Variants in SPAG16 observed in about 807,000 individuals in gnomAD.
SPAG16 encodes sperm associated antigen 16.
A neutral mutation model predicts 80.4 loss-of-function variants in SPAG16; 86 were observed. The ratio of observed to expected loss-of-function variants is 1.07; its 90% CI spans 0.90 to 1.28. SPAG16 has a LOEUF of 1.28. SPAG16 is among the 50% of genes most tolerant of loss of function. SPAG16 has a pLI of 0.00. For missense variants in SPAG16, 870 were observed against 765.3 expected, an observed-to-expected ratio of 1.14 and a Z score of -1.61; for synonymous variants, 294 against 265.9, an observed-to-expected ratio of 1.11 and a Z score of -1.03.
chr2:213,965,030 T>C (rs989508448), intron 12 of SPAG16, among the ~76,000 whole-genome samples: 3 of 152,226 alleles, frequency 2.0e-5, no homozygotes, highest in Non-Finnish European at 2.9e-5. Flanking sequence ...AATTGGACAT[T>C]TTAGAAAATA....
intron 12 of SPAG16, among the ~76,000 whole-genome samples, chr2:214,004,864 G>A (rs998349313): frequency 8.1e-4 from 123 of 152,188 alleles, no homozygotes; most frequent in African/African-American, 2.9e-3. Context: ...TAGCATTTGA[G>A]CAAAGAGAGA....
At chr2:213,535,917 C>A (rs947955289) in intron 10 of SPAG16, among the ~76,000 whole-genome samples, 2 of 151,850 alleles carry the variant, frequency 1.3e-5, no homozygotes, top group African/African-American at 4.8e-5. Context: ...TAAGGTAATG[C>A]AAGTACAGTC....
intron 15 of SPAG16, among the ~76,000 whole-genome samples, chr2:214,153,396 A>T (rs1229269407): frequency 6.6e-6 from 1 of 152,168 alleles, no homozygotes. Context: ...GCTACAAACT[A>T]ATGATTATTG....
At chr2:214,405,869 G>A (rs1701969784) in intron 15 of SPAG16, among the ~76,000 whole-genome samples, 1 of 152,176 alleles carries the variant, frequency 6.6e-6, no homozygotes, top group Non-Finnish European at 1.5e-5. Flanking sequence ...TAGGAGGAAA[G>A]AATAGCTACA....
At chr2:213,450,227 C>T (rs1008846973) in intron 9 of SPAG16, among the ~76,000 whole-genome samples, 7 of 152,260 alleles carry the variant, frequency 4.6e-5, no homozygotes, top group African/African-American at 1.4e-4. Context: ...TTGCTTGAAG[C>T]TGGGAGGCAG....
intron 12 of SPAG16, among the ~76,000 whole-genome samples, chr2:214,010,648 T>G (rs1171907858): frequency 2.0e-5 from 3 of 146,628 alleles, no homozygotes; most frequent in Non-Finnish European, 4.5e-5. Flanking sequence ...GGAGGTCAGG[T>G]GACCCAAGAA....
At chr2:213,907,927 G>A (rs2077498813) in intron 11 of SPAG16, among the ~76,000 whole-genome samples, 1 of 152,092 alleles carries the variant, frequency 6.6e-6, no homozygotes, top group African/African-American at 2.4e-5. Flanking sequence ...AGAGGAATAA[G>A]TTCTTGTGCT....
intron 11 of SPAG16, among the ~76,000 whole-genome samples, chr2:213,920,815 A>G (rs1020808881): frequency 6.6e-6 from 1 of 152,324 alleles, no homozygotes; most frequent in African/African-American, 2.4e-5. Context: ...ATCTCTTGTC[A>G]TACTCTGCCA....
intron 10 of SPAG16, among the ~76,000 whole-genome samples, chr2:213,542,816 A>G (rs2076495357): frequency 6.6e-6 from 1 of 152,090 alleles, no homozygotes; most frequent in South Asian, 2.1e-4. Flanking sequence ...TTTTACTTGA[A>G]TTGTGGAAAC....
chr2:213,467,300 A>C (rs1379415366), intron 9 of SPAG16, among the ~76,000 whole-genome samples: 1 of 152,142 alleles, frequency 6.6e-6, no homozygotes, highest in Non-Finnish European at 1.5e-5. Flanking sequence ...TGGCTTGATC[A>C]ATTTTCCCTT....
intron 15 of SPAG16, among the ~76,000 whole-genome samples, chr2:214,354,095 G>T (rs1698603169): frequency 7.2e-6 from 1 of 138,834 alleles, no homozygotes; most frequent in Non-Finnish European, 1.6e-5. Context: ...ATATATATAT[G>T]TACCCCATAA....
chr2:214,011,371 A>G (rs2047273715), intron 12 of SPAG16, among the ~76,000 whole-genome samples: 1 of 146,444 alleles, frequency 6.8e-6, no homozygotes, highest in Admixed American at 6.7e-5. Context: ...ACTCTCCTCA[A>G]AAAAGATTAA....
At chr2:213,522,874 A>G (rs2075732946) in intron 10 of SPAG16, among the ~76,000 whole-genome samples, 1 of 149,786 alleles carries the variant, frequency 6.7e-6, no homozygotes, top group Admixed American at 6.7e-5. Flanking sequence ...TATATGTTTT[A>G]GGCATTTTAG....
At chr2:213,433,673 C>G (rs1386221423) in intron 9 of SPAG16, among the ~76,000 whole-genome samples, 2 of 151,940 alleles carry the variant, frequency 1.3e-5, no homozygotes, top group Non-Finnish European at 2.9e-5. Flanking sequence ...GACCATATAC[C>G]CAAAGCAATC....
rs112717444 is a variant in SPAG16, at chr2:213,809,468, T to C, written c.1071-53017T>C. Among the ~76,000 whole-genome samples, 735 of 152,218 alleles carry C rather than the reference T, an allele frequency of 4.8e-3. 5 individuals are homozygous for C. The highest frequency in any genetic ancestry group is 0.01 in the South Asian group (50 of 4,824). On this transcript the variant is annotated intron_variant, in intron 10 of 15. Coordinates refer to ENST00000331683, the MANE Select transcript of SPAG16 (RefSeq NM_024532.5). ...TTAGATATTTCTGCTAATAACACAG[T>C]AGCTCTAAATGAAAAAAGAGGTACT...
chr2:213,627,087 G>A lies in SPAG16; in HGVS notation c.1070+136997G>A, dbSNP rs10932489. Among the ~76,000 whole-genome samples the A allele has an allele frequency of 6.2e-4, 94 of 152,274 alleles. No homozygotes were observed. In the East Asian group the frequency reaches 6.8e-3, roughly 11 times the overall value. ...TTTTACTCAGCAAACTATGTACCAT[G>A]CACCATCTGTGGATGGCAGTGGGGA... On this transcript the variant is annotated intron_variant, in intron 10 of 15. Coordinates refer to ENST00000331683, the MANE Select transcript of SPAG16 (RefSeq NM_024532.5).
intron 7 of SPAG16, among the ~76,000 whole-genome samples, chr2:213,354,329 C>T (rs192058090): frequency 3.9e-4 from 60 of 152,174 alleles, no homozygotes; most frequent in East Asian, 2.1e-3. Context: ...CTATTGTGAA[C>T]GGTGCCGCAA....
chr2:213,967,240 C>T (rs10191219), intron 12 of SPAG16, among the ~76,000 whole-genome samples: 62,855 of 151,892 alleles, frequency 0.41, 13,052 homozygotes, highest in South Asian at 0.5. Flanking sequence ...TGTATTCTGT[C>T]GGACAAAATC....
chr2:213,702,856 G>A (rs967121771), intron 10 of SPAG16, among the ~76,000 whole-genome samples: 2 of 152,208 alleles, frequency 1.3e-5, no homozygotes, highest in African/African-American at 4.8e-5. Flanking sequence ...CTGCTAATGG[G>A]AAGGGAAGCC....
Sources: gnomAD v4.1 joint callset for allele counts (sites outside exome capture counted in the v4.1 genomes callset) on GRCh38, gnomAD v4.1.1 for gene constraint, MANE v1.5 for transcripts, NCBI Gene and HGNC (gene_info 2026-07-23, HGNC 2026-07-21) for gene names.